Variants in CPD observed in about 807,000 individuals in gnomAD.
CPD encodes carboxypeptidase D, also known as metallocarboxypeptidase D.
CPD carries 69 observed loss-of-function variants against 138.3 expected under a neutral mutation model. The observed-to-expected ratio is 0.50, with a 90% confidence interval of 0.41 to 0.61. CPD has a LOEUF of 0.61. Ranked by LOEUF, CPD falls within the 20% of genes least tolerant of loss-of-function variation. The pLI is 0.00. For missense variants in CPD, 1,432 were observed against 1,733.3 expected (o/e 0.83, Z 3.09); for synonymous variants, 651 against 642.1 (o/e 1.01, Z -0.21).
At chr17:30,428,269 A>G (rs1327441174) in intron 7 of CPD, among the ~76,000 whole-genome samples, 6 of 152,210 alleles carry the variant, frequency 3.9e-5, no homozygotes, top group African/African-American at 1.4e-4. Flanking sequence ...AAGGTTGCGA[A>G]TAAGAGTGAA....
chr17:30,431,701 C>A, intron 7 of CPD, 71 bp from the exon 8 acceptor site: 2 of 1,015,138 alleles, frequency 2.0e-6, no homozygotes, highest in Non-Finnish European at 1.5e-6. Flanking sequence ...TGGCAGTATT[C>A]TGAAAAGCTT....
In CPD at chr17:30,379,529, C is replaced by T. The variant is rs1267635898; in HGVS notation, c.549C>T (p.Asn183=). 6.4e-7 allele frequency: 1 copy of T among 1,564,800 alleles called. No homozygotes were observed. Among genetic ancestry groups the T allele is most frequent in the Non-Finnish European group, 8.6e-7 (1 of 1,161,754 alleles). Residue 183 remains asparagine (N), a synonymous_variant, in exon 1 of 21, where the codon AAC becomes AAT. Coordinates refer to ENST00000225719, the MANE Select transcript of CPD (RefSeq NM_001304.5). This position sits in a 1 kb window ranked among gnomAD's most constrained non-coding sequence, Gnocchi z 7.0. ...ACGTGTACCTGCTGCCCAGCCTCAA[C>T]CCCGATGGCTTCGAGCGTGCCCGCG... ...TTDVYLLPSL[N]PDGFERAREG... is the part of the protein sequence containing the mutation.
chr17:30,424,910 T>C (rs1912362869), intron 6 of CPD, among the ~76,000 whole-genome samples: 1 of 152,342 alleles, frequency 6.6e-6, no homozygotes, highest in Non-Finnish European at 1.5e-5. Context: ...TGGTCATTAG[T>C]TGGTCATTAG....
chr17:30,397,260 CAG>C (rs775955458), intron 2 of CPD, among the ~76,000 whole-genome samples: 12 of 151,956 alleles, frequency 7.9e-5, no homozygotes, highest in Middle Eastern at 3.2e-3. Context: ...TTAGAGGACA[CAG>C]AATTAATACT....
intron 2 of CPD, among the ~76,000 whole-genome samples, chr17:30,404,677 C>G (rs1344934722): frequency 1.3e-5 from 2 of 151,388 alleles, no homozygotes; most frequent in Non-Finnish European, 3.0e-5. Flanking sequence ...TAAATTTTCA[C>G]CCAGAAATGT....
chr17:30,426,518 A>G (rs1912412344), intron 6 of CPD, among the ~76,000 whole-genome samples: 1 of 152,196 alleles, frequency 6.6e-6, no homozygotes, highest in Non-Finnish European at 1.5e-5. Context: ...CTGAGTTACA[A>G]CTCACTCACT....
intron 2 of CPD, among the ~76,000 whole-genome samples, chr17:30,395,767 G>A (rs1177106021): frequency 6.6e-6 from 1 of 151,792 alleles, no homozygotes; most frequent in Non-Finnish European, 1.5e-5. Context: ...AGCTATGTGG[G>A]AGACAGTGTT....
intron 6 of CPD, among the ~76,000 whole-genome samples, chr17:30,424,248 T>C (rs1912342604): frequency 6.6e-6 from 1 of 152,228 alleles, no homozygotes; most frequent in Non-Finnish European, 1.5e-5. Flanking sequence ...GATAAGAGGT[T>C]GTAGTTACCA....
intron 14 of CPD, 123 bp downstream of exon 14, chr17:30,451,969 G>T: frequency 7.0e-6 from 6 of 861,252 alleles, no homozygotes; most frequent in South Asian, 5.4e-5. Flanking sequence ...ATGAATGTGA[G>T]GTATAAATGA....
At chr17:30,454,034 T>G (rs1913230436) in intron 14 of CPD, 1 of 152,170 alleles carries the variant, frequency 6.6e-6, no homozygotes, top group Non-Finnish European at 1.5e-5. Flanking sequence ...TCCAGGCCTT[T>G]GATGGGAGGG....
rs1597712524 is a variant in CPD, at chr17:30,403,102, A to G, written c.995-17739A>G. 2.0e-5 allele frequency among the ~76,000 whole-genome samples: 3 copies of G among 152,280 alleles called. No homozygotes were observed. In the East Asian group the frequency reaches 5.8e-4, roughly 29 times the overall value. On this transcript the variant is annotated intron_variant, in intron 2 of 20. Transcript: ENST00000225719. The stretch of plus-strand genomic sequence containing the variant: ...GACTGGGCAACAAGAATGAAACTCC[A>G]TCTCAAAAAAATAAAATAAAATAAA...
chr17:30,418,269 C>T (rs1020572118), intron 2 of CPD, among the ~76,000 whole-genome samples: 3 of 152,036 alleles, frequency 2.0e-5, no homozygotes, highest in African/African-American at 7.2e-5. Flanking sequence ...CAGCCTTGAA[C>T]TCCTGAGCTT....
rs376862422 is a variant in CPD, at chr17:30,394,988, A to C, written c.994+9752A>C. On this transcript the variant is annotated intron_variant, in intron 2 of 20. Transcript: ENST00000225719. ...TAATAGTACTTGATGTACTAGTCAC[A>C]AGTACCCAATGGGCAGTTAGGGAAT... Among the ~76,000 whole-genome samples, 75 of 152,086 alleles carry C rather than the reference A, an allele frequency of 4.9e-4. 1 individual carries two copies. The highest frequency in any genetic ancestry group is 1.6e-3 in the African/African-American group (67 of 41,462).
intron 12 of CPD, among the ~76,000 whole-genome samples, chr17:30,448,567 G>A (rs1336933928): frequency 2.0e-5 from 3 of 152,112 alleles, no homozygotes; most frequent in African/African-American, 4.8e-5. Flanking sequence ...AAGCAATAAG[G>A]TTTCTGTTAA....
chr17:30,397,336 A>G (rs1911535375), intron 2 of CPD, among the ~76,000 whole-genome samples: 1 of 152,214 alleles, frequency 6.6e-6, no homozygotes. Flanking sequence ...ATAGATTGAA[A>G]AATTATAGAA....
intron 20 of CPD, 108 bp from the exon 21 acceptor site, chr17:30,464,480 A>G (rs1442824443): frequency 6.2e-6 from 5 of 810,610 alleles, no homozygotes; most frequent in Middle Eastern, 2.3e-4. Flanking sequence ...TGCATGAAAT[A>G]GAAATAAAAT....
At chr17:30,426,060 C>G (rs1597721195) in intron 6 of CPD, among the ~76,000 whole-genome samples, 2 of 151,948 alleles carry the variant, frequency 1.3e-5, no homozygotes, top group East Asian at 3.9e-4. Flanking sequence ...ATTAGCTGGG[C>G]GTGGTGGCGC....
chr17:30,439,250 C>T (rs942034022), intron 9 of CPD, among the ~76,000 whole-genome samples, 173 bp downstream of exon 9: 5 of 151,806 alleles, frequency 3.3e-5, no homozygotes, highest in African/African-American at 9.7e-5. Flanking sequence ...GTTTGATGTA[C>T]GTTGAGGGTT....
At chr17:30,449,975 A>C (rs1020480805) in intron 13 of CPD, among the ~76,000 whole-genome samples, 7 of 152,130 alleles carry the variant, frequency 4.6e-5, no homozygotes, top group Non-Finnish European at 1.5e-5. Flanking sequence ...TGCAGGAAAG[A>C]ATACTAAAAA....
Sources: allele counts gnomAD v4.1 joint callset (sites outside exome capture counted in the v4.1 genomes callset), GRCh38; gene constraint gnomAD v4.1.1; non-coding constraint Gnocchi (gnomAD v3.1); transcripts MANE v1.5; gene names NCBI Gene and HGNC (gene_info 2026-07-23, HGNC 2026-07-21).